PDE1A: variants seen among roughly 807,000 people sequenced by gnomAD.
The protein encoded by PDE1A is dual specificity calcium/calmodulin-dependent 3',5'-cyclic nucleotide phosphodiesterase 1A.
A neutral mutation model predicts 61.7 loss-of-function variants in PDE1A; 35 were observed. The observed-to-expected ratio is 0.57, with a 90% confidence interval of 0.43 to 0.75. The LOEUF is 0.75. Among genes scored for constraint, PDE1A ranks in the 30% least tolerant of loss-of-function variants. The probability of loss-of-function intolerance (pLI) is 0.00; values close to 1 mark genes in which losing one functional copy is unlikely to be tolerated. For missense variants in PDE1A, 597 were observed against 630.6 expected, an observed-to-expected ratio of 0.95 and a Z score of 0.57; for synonymous variants, 232 against 213.2, an observed-to-expected ratio of 1.09 and a Z score of -0.77.
Position 182,390,104 on chromosome 2 carries a change from G to A in PDE1A, c.53+36474C>T, listed in dbSNP as rs558581432. The stretch of plus-strand genomic sequence containing the variant: ...ATTTCACCTTGTGATCATGTGAGTC[G>A]GTACTCCTTAATAAACTCCTCATCA... On this transcript the variant is annotated intron_variant, in intron 1 of 13. Transcript: ENST00000351439. Among the ~76,000 whole-genome samples, 3 of 152,098 alleles carry A rather than the reference G, an allele frequency of 2.0e-5. No homozygotes were observed. In the South Asian group the frequency reaches 6.2e-4, roughly 32 times the overall value.
chr2:182,606,150 G>A, the PDE1A span, among the ~76,000 whole-genome samples: 4 of 152,184 alleles, frequency 2.6e-5, no homozygotes, highest in South Asian at 8.3e-4. Context: ...CCCAAGGTAT[G>A]TATGTATGTA....
At chr2:182,439,800 T>C (rs749793775) in intron 2 of PDE1A, among the ~76,000 whole-genome samples, 4 of 152,060 alleles carry the variant, frequency 2.6e-5, no homozygotes, top group Non-Finnish European at 5.9e-5. Flanking sequence ...AAGGAAGATA[T>C]GGGCTAACTG....
At chr2:182,426,780 T>C in exon 1 of PDE1A, 1 of 1,466,258 alleles carries the variant, frequency 6.8e-7, no homozygotes, top group Non-Finnish European at 9.0e-7. Flanking sequence ...GGAGAAAACT[T>C]CCCTGTTCTC....
At chr2:182,298,412 G>C (rs1444670236) in intron 1 of PDE1A, among the ~76,000 whole-genome samples, 1 of 152,130 alleles carries the variant, frequency 6.6e-6, no homozygotes, top group African/African-American at 2.4e-5. Context: ...TTGTGAGAAA[G>C]GCTAAAACAG....
At chr2:182,183,731 T>C (rs1684960638) in intron 13 of PDE1A, among the ~76,000 whole-genome samples, 1 of 151,974 alleles carries the variant, frequency 6.6e-6, no homozygotes. Context: ...TTTTTAAAAT[T>C]AAAGAAAATA....
At chr2:182,653,084 G>A in the PDE1A span, among the ~76,000 whole-genome samples, 1 of 152,102 alleles carries the variant, frequency 6.6e-6, no homozygotes, top group South Asian at 2.1e-4. Context: ...CCATTCTGCT[G>A]GCATGAGGAG....
the PDE1A span, among the ~76,000 whole-genome samples, chr2:182,605,727 C>T: frequency 6.6e-6 from 1 of 152,136 alleles, no homozygotes; most frequent in Admixed American, 6.5e-5. Flanking sequence ...TAAATTTCAC[C>T]CAAGCATCAT....
the PDE1A span, among the ~76,000 whole-genome samples, chr2:182,628,861 G>C: frequency 6.6e-6 from 1 of 152,078 alleles, no homozygotes; most frequent in Non-Finnish European, 1.5e-5. Flanking sequence ...CCAGTCCTTG[G>C]ATAAGTGGGA....
chr2:182,504,693 G>C (rs73044439), intron 2 of PDE1A, among the ~76,000 whole-genome samples: 1,908 of 152,258 alleles, frequency 0.013, 42 homozygotes, highest in African/African-American at 0.044. Context: ...CTTTTACAGA[G>C]AGGCATCTTC....
chr2:182,611,531 T>G, the PDE1A span, among the ~76,000 whole-genome samples: 1 of 152,170 alleles, frequency 6.6e-6, no homozygotes, highest in Non-Finnish European at 1.5e-5. Context: ...CCATTTTGCT[T>G]GAAGTAGCAG....
chr2:182,455,789 G>C (rs539616241), intron 2 of PDE1A, among the ~76,000 whole-genome samples: 1 of 152,058 alleles, frequency 6.6e-6, no homozygotes, highest in East Asian at 1.9e-4. Flanking sequence ...AAAGCATTAG[G>C]AGATATACCT....
chr2:182,228,651 AGT>A (rs1689326704), intron 6 of PDE1A, among the ~76,000 whole-genome samples: 1 of 152,208 alleles, frequency 6.6e-6, no homozygotes, highest in African/African-American at 2.4e-5. Flanking sequence ...TCAAGCTGAC[AGT>A]GTAACCTAGT....
intron 2 of PDE1A, among the ~76,000 whole-genome samples, chr2:182,482,412 A>G (rs936578423): frequency 3.3e-5 from 5 of 151,922 alleles, no homozygotes; most frequent in African/African-American, 4.8e-5. Flanking sequence ...TCATTTGTCA[A>G]AAAAAGAAAG....
chr2:182,419,150 T>C (rs1053648570), intron 1 of PDE1A, among the ~76,000 whole-genome samples: 1 of 152,126 alleles, frequency 6.6e-6, no homozygotes, highest in African/African-American at 2.4e-5. Flanking sequence ...AGTTCAAATT[T>C]GAAATGCCTA....
chr2:182,594,230 A>G, the PDE1A span, among the ~76,000 whole-genome samples: 1 of 152,172 alleles, frequency 6.6e-6, no homozygotes, highest in African/African-American at 2.4e-5. Flanking sequence ...TATAACCCAA[A>G]TGATTTATTT....
At chr2:182,278,621 C>T (rs1321505241) in intron 1 of PDE1A, among the ~76,000 whole-genome samples, 1 of 151,770 alleles carries the variant, frequency 6.6e-6, no homozygotes, top group Non-Finnish European at 1.5e-5. Context: ...GACTAGACTT[C>T]AAAATTACAT....
intron 11 of PDE1A, among the ~76,000 whole-genome samples, chr2:182,186,823 C>A (rs1484757325): frequency 6.6e-6 from 1 of 152,166 alleles, no homozygotes; most frequent in Non-Finnish European, 1.5e-5. Flanking sequence ...TTTAAGCTTG[C>A]TAACTCAAGT....
chr2:182,452,563 T>C (rs1207681675), intron 2 of PDE1A, among the ~76,000 whole-genome samples: 1 of 152,138 alleles, frequency 6.6e-6, no homozygotes, highest in African/African-American at 2.4e-5. Flanking sequence ...TGATCACCAC[T>C]AATCCACAAA....
chr2:182,496,018 T>C (rs1164614423), intron 2 of PDE1A, among the ~76,000 whole-genome samples: 1 of 152,218 alleles, frequency 6.6e-6, no homozygotes, highest in Admixed American at 6.5e-5. Flanking sequence ...ATATAAGTCC[T>C]CTCAACCATA....
Sources: gnomAD v4.1 joint callset for allele counts (sites outside exome capture counted in the v4.1 genomes callset) on GRCh38, gnomAD v4.1.1 for gene constraint, MANE v1.5 for transcripts, NCBI Gene and HGNC (gene_info 2026-07-23, HGNC 2026-07-21) for gene names.